Variants in LCLAT1 observed in about 807,000 individuals in gnomAD.
LCLAT1 encodes the protein lysocardiolipin acyltransferase 1.
In LCLAT1, 11 loss-of-function variants were observed where a neutral mutation model predicts 30.7. That is an observed-to-expected ratio of 0.36 (90% CI 0.23 to 0.59). The LOEUF (loss-of-function observed/expected upper bound fraction) is 0.59. LCLAT1 is among the 20% of genes least tolerant of loss of function. LCLAT1 has a pLI of 0.77. For synonymous variants in LCLAT1, 155 were observed against 151.3 expected (o/e 1.02, Z -0.18); for missense variants, 402 against 458.6 (o/e 0.88, Z 1.13).
At chr2:30,580,260 A>G (rs998132353) in intron 5 of LCLAT1, among the ~76,000 whole-genome samples, 63 of 152,320 alleles carry the variant, frequency 4.1e-4, no homozygotes, top group African/African-American at 1.4e-3. Flanking sequence ...TATCAATTTG[A>G]TCTGAATCAA....
chr2:30,594,006 A>G lies in LCLAT1; in HGVS notation c.628+25830A>G, dbSNP rs866659578. On this transcript the variant is annotated intron_variant, in intron 5 of 5. Transcript: ENST00000379509. ...CTCCCCAATTCATTTTATTCCACCT[A>G]TACACTAAAAAAATTACATAAGAAA... Among the ~76,000 whole-genome samples the G allele has an allele frequency of 4.0e-5, 6 of 151,626 alleles. No homozygotes were observed. In the South Asian group the frequency reaches 6.2e-4, roughly 16 times the overall value.
At chr2:30,476,231 A>G (rs952496190) in intron 1 of LCLAT1, among the ~76,000 whole-genome samples, 12 of 152,238 alleles carry the variant, frequency 7.9e-5, no homozygotes, top group African/African-American at 2.9e-4. Context: ...GTCTTTAAGT[A>G]GCTACCACTT....
intron 5 of LCLAT1, among the ~76,000 whole-genome samples, chr2:30,631,601 C>T (rs1459693733): frequency 6.6e-6 from 1 of 152,198 alleles, no homozygotes; most frequent in Non-Finnish European, 1.5e-5. Flanking sequence ...GTTTATCACA[C>T]TTGCTAGGAA....
At chr2:30,569,748 A>G (rs992534363) in intron 5 of LCLAT1, among the ~76,000 whole-genome samples, 32 of 152,244 alleles carry the variant, frequency 2.1e-4, no homozygotes, top group African/African-American at 7.7e-4. Context: ...AATCAATTCA[A>G]AATCACATGG....
At chr2:30,563,558 G>A (rs1201860693) in intron 4 of LCLAT1, among the ~76,000 whole-genome samples, 2 of 152,214 alleles carry the variant, frequency 1.3e-5, no homozygotes, top group Admixed American at 1.3e-4. Flanking sequence ...CAGCTCTGCT[G>A]TGTAAGGGAA....
At chr2:30,579,995 T>C (rs1255591976) in intron 5 of LCLAT1, among the ~76,000 whole-genome samples, 2 of 152,184 alleles carry the variant, frequency 1.3e-5, no homozygotes, top group Non-Finnish European at 1.5e-5. Context: ...TTATGTTCAG[T>C]TAAAAGAGAC....
intron 5 of LCLAT1, among the ~76,000 whole-genome samples, chr2:30,608,128 C>T (rs1323782134): frequency 6.6e-6 from 1 of 151,772 alleles, no homozygotes; most frequent in Admixed American, 6.6e-5. Context: ...CAAGACTAGC[C>T]TGGCCAACAA....
At chr2:30,568,864 C>CAAAAAAAAAAAAA (rs61325694) in intron 5 of LCLAT1, among the ~76,000 whole-genome samples, 29 of 89,048 alleles carry the variant, frequency 3.3e-4, no homozygotes, top group African/African-American at 6.0e-4. Context: ...TCATGAATAG[C>CAAAAAAAAAAAAA]AAAAAAAAAA....
chr2:30,584,429 T>G (rs1011320510), intron 5 of LCLAT1, among the ~76,000 whole-genome samples: 1 of 152,202 alleles, frequency 6.6e-6, no homozygotes, highest in Non-Finnish European at 1.5e-5. Context: ...GAAGGCTTCT[T>G]GTTGACTTTA....
intron 5 of LCLAT1, among the ~76,000 whole-genome samples, chr2:30,603,438 G>T (rs1000023324): frequency 3.3e-5 from 5 of 150,750 alleles, no homozygotes; most frequent in Non-Finnish European, 7.4e-5. Flanking sequence ...GGCAACACTG[G>T]TAGAAAAAGT....
chr2:30,605,974 C>A, intron 5 of LCLAT1: 1 of 1,267,784 alleles, frequency 7.9e-7, no homozygotes, highest in South Asian at 1.4e-5. Context: ...TTCTTGCTAC[C>A]ATGAGAATCT....
chr2:30,521,874 G>A (rs1244760390), intron 1 of LCLAT1, among the ~76,000 whole-genome samples: 1 of 152,044 alleles, frequency 6.6e-6, no homozygotes, highest in African/African-American at 2.4e-5. Context: ...TTTGCCAACC[G>A]CTGATCTGTT....
At chr2:30,495,708 T>C (rs950041517) in intron 1 of LCLAT1, among the ~76,000 whole-genome samples, 3 of 151,746 alleles carry the variant, frequency 2.0e-5, no homozygotes, top group Non-Finnish European at 4.4e-5. Context: ...GAGGAGAGGG[T>C]GTTGGATGGA....
intron 3 of LCLAT1, among the ~76,000 whole-genome samples, chr2:30,561,253 T>G (rs1040439170): frequency 1.3e-5 from 2 of 152,130 alleles, no homozygotes; most frequent in African/African-American, 2.4e-5. Flanking sequence ...TCTTGTATGC[T>G]ATTTTTATCC....
chr2:30,638,921 T>C (rs1397306945), intron 5 of LCLAT1, among the ~76,000 whole-genome samples: 1 of 151,870 alleles, frequency 6.6e-6, no homozygotes, highest in Non-Finnish European at 1.5e-5. Context: ...TCTCCATTTC[T>C]TGCCTGCTGT....
At chr2:30,538,776 A>T (rs937105574) in intron 3 of LCLAT1, among the ~76,000 whole-genome samples, 1 of 152,218 alleles carries the variant, frequency 6.6e-6, no homozygotes, top group Non-Finnish European at 1.5e-5. Flanking sequence ...CAATTGGAAA[A>T]CATAGCAGAA....
At chr2:30,607,467 T>TA (rs1667506305) in intron 5 of LCLAT1, 1 of 152,132 alleles carries the variant, frequency 6.6e-6, no homozygotes, top group South Asian at 2.1e-4. Flanking sequence ...CATAAGATCA[T>TA]AATGGAGCTA....
intron 1 of LCLAT1, among the ~76,000 whole-genome samples, chr2:30,474,954 A>G (rs929346160): frequency 2.0e-5 from 3 of 151,728 alleles, no homozygotes; most frequent in Admixed American, 2.0e-4. Context: ...ACCTGGCCTT[A>G]AATTTGTTAG....
At chr2:30,474,683 C>G (rs895954038) in intron 1 of LCLAT1, among the ~76,000 whole-genome samples, 1 of 148,438 alleles carries the variant, frequency 6.7e-6, no homozygotes, top group African/African-American at 2.5e-5. Flanking sequence ...GGGCCTCACT[C>G]TATCACCCAG....
Sources: allele counts gnomAD v4.1 joint callset (sites outside exome capture counted in the v4.1 genomes callset), GRCh38; gene constraint gnomAD v4.1.1; transcripts MANE v1.5; gene names NCBI Gene and HGNC (gene_info 2026-07-23, HGNC 2026-07-21).